The following TSHR variants were observed in gnomAD, a reference collection of about 807,000 sequenced individuals.
TSHR encodes thyrotropin receptor.
A neutral mutation model predicts 64.1 loss-of-function variants in TSHR; 51 were observed. That is an observed-to-expected ratio of 0.80 (90% CI 0.64 to 1.01). The LOEUF (loss-of-function observed/expected upper bound fraction) is 1.01. Among genes scored for constraint, TSHR ranks in the 50% least tolerant of loss-of-function variants. The probability of loss-of-function intolerance (pLI) is 0.00; values close to 1 mark genes in which losing one functional copy is unlikely to be tolerated. For missense variants in TSHR, 877 were observed against 942.8 expected (o/e 0.93, Z 0.91); for synonymous variants, 361 against 361.9 (o/e 1.00, Z 0.03).
intron 8 of TSHR, among the ~76,000 whole-genome samples, chr14:81,131,123 C>A (rs943725207): frequency 5.9e-5 from 9 of 152,162 alleles, no homozygotes; most frequent in African/African-American, 2.2e-4. Context: ...GCCTCACCTG[C>A]AGCCTTCCCC....
In TSHR at chr14:81,131,475, C is replaced by T. The variant is rs533602129; in HGVS notation, c.693-8204C>T. Among the ~76,000 whole-genome samples, 8 of 152,276 alleles carry T rather than the reference C, an allele frequency of 5.3e-5. No homozygotes were observed. In the East Asian group the frequency reaches 1.2e-3, roughly 22 times the overall value. ...CTTCCATGAAAATGTAATGTTCTTTCGACAGCCTACAAGGCCACACATGAT... is the reference window on the plus strand; with the variant it reads ...CTTCCATGAAAATGTAATGTTCTTTTGACAGCCTACAAGGCCACACATGAT... On this transcript the variant is annotated intron_variant, in intron 8 of 9. Coordinates refer to ENST00000298171, the MANE Select transcript of TSHR (RefSeq NM_000369.5).
chr14:81,020,487 C>G (rs1883690715), intron 1 of TSHR, among the ~76,000 whole-genome samples: 1 of 152,174 alleles, frequency 6.6e-6, no homozygotes. Context: ...CTATTGTGAA[C>G]TGCACATGCG....
intron 1 of TSHR, among the ~76,000 whole-genome samples, chr14:81,054,328 T>C (rs1211704754): frequency 2.0e-5 from 3 of 152,182 alleles, no homozygotes; most frequent in South Asian, 2.1e-4. Context: ...AACCTCTTTT[T>C]CTTCCCAGTC....
At chr14:81,010,814 G>A (rs1235588747) in intron 1 of TSHR, among the ~76,000 whole-genome samples, 1 of 150,772 alleles carries the variant, frequency 6.6e-6, no homozygotes, top group African/African-American at 2.4e-5. Context: ...GCCAAAAGAT[G>A]TACATGTAAG....
intron 1 of TSHR, among the ~76,000 whole-genome samples, chr14:80,989,957 G>A (rs1181256310): frequency 6.6e-6 from 1 of 152,170 alleles, no homozygotes; most frequent in Non-Finnish European, 1.5e-5. Flanking sequence ...CTATGCAATT[G>A]TTTTAGCTTC....
intron 1 of TSHR, among the ~76,000 whole-genome samples, chr14:80,984,599 CT>C (rs1888343598): frequency 2.0e-5 from 3 of 152,166 alleles, no homozygotes; most frequent in South Asian, 2.1e-4. Flanking sequence ...TACAGTTCCC[CT>C]GAAGGACATT....
chr14:81,039,740 T>C (rs1240097021), intron 1 of TSHR, among the ~76,000 whole-genome samples: 4 of 151,836 alleles, frequency 2.6e-5, no homozygotes, highest in Non-Finnish European at 5.9e-5. Context: ...AAAAAAAAGA[T>C]ACTTAGCAAT....
At chr14:81,032,961 G>A in intron 1 of TSHR, 2 of 356,300 alleles carry the variant, frequency 5.6e-6, no homozygotes, top group East Asian at 7.5e-5. Flanking sequence ...GATCCCTAGA[G>A]CCAAAAACAA....
intron 2 of TSHR, 110 bp downstream of exon 2, chr14:81,062,329 T>C: frequency 2.6e-6 from 2 of 757,880 alleles, no homozygotes; most frequent in East Asian, 5.3e-5. Flanking sequence ...CAATGGCAGT[T>C]ATATTGTCAA....
intron 1 of TSHR, among the ~76,000 whole-genome samples, chr14:81,026,693 G>A (rs1884072836): frequency 6.6e-6 from 1 of 151,962 alleles, no homozygotes; most frequent in Admixed American, 6.6e-5. Flanking sequence ...AAAGGTATTT[G>A]GTAGATCTTG....
Position 81,142,961 on chromosome 14 carries a change from T to C in TSHR, c.903T>C (p.Cys301=). 1 of 1,614,158 alleles carries C rather than the reference T, an allele frequency of 6.2e-7. No homozygotes were observed. The highest frequency in any genetic ancestry group is 8.5e-7 in the Non-Finnish European group (1 of 1,180,030). Residue 301 remains cysteine (C), a synonymous_variant, in exon 10 of 10, where the codon TGT becomes TGC. Coordinates refer to ENST00000298171, the MANE Select transcript of TSHR (RefSeq NM_000369.5). ...GCAGAATCCTTGAGTCCTTGATGTG[T>C]AATGAGAGCAGTATGCAGAGCTTGC... ...KIRGILESLM[C]NESSMQSLRQ...
chr14:81,036,823 T>C (rs1340838492), intron 1 of TSHR, among the ~76,000 whole-genome samples: 2 of 152,110 alleles, frequency 1.3e-5, no homozygotes, highest in African/African-American at 2.4e-5. Context: ...TATGAAAGGA[T>C]ACAAAGTAAG....
chr14:80,960,140 G>C (rs1566737513), intron 1 of TSHR, among the ~76,000 whole-genome samples: 1 of 152,188 alleles, frequency 6.6e-6, no homozygotes, highest in Non-Finnish European at 1.5e-5. Context: ...AGTATCGAAA[G>C]GATGGAAAGA....
chr14:81,142,360 C>T (rs909384685), intron 9 of TSHR, among the ~76,000 whole-genome samples: 2 of 151,080 alleles, frequency 1.3e-5, no homozygotes, highest in Non-Finnish European at 3.0e-5. Context: ...GATTGAGTCA[C>T]TACAGGTGTG....
intron 8 of TSHR, among the ~76,000 whole-genome samples, chr14:81,135,586 GTTC>G (rs1047829634): frequency 6.6e-6 from 1 of 152,034 alleles, no homozygotes; most frequent in African/African-American, 2.4e-5. Flanking sequence ...GGGGTGGGGG[GTTC>G]TTAGCACAAT....
intron 8 of TSHR, among the ~76,000 whole-genome samples, chr14:81,110,075 A>G (rs1204845904): frequency 6.6e-6 from 1 of 152,198 alleles, no homozygotes; most frequent in Non-Finnish European, 1.5e-5. Context: ...AAATATTCAC[A>G]TATTATGCGA....
At chr14:81,009,530 A>T (rs1412449976) in intron 1 of TSHR, among the ~76,000 whole-genome samples, 1 of 152,188 alleles carries the variant, frequency 6.6e-6, no homozygotes, top group Non-Finnish European at 1.5e-5. Flanking sequence ...AGTGTGCTGC[A>T]GTTGATGTGC....
chr14:80,975,890 C>T (rs179261), intron 1 of TSHR, among the ~76,000 whole-genome samples: 117,970 of 151,608 alleles, frequency 0.78, 48,781 homozygotes, highest in East Asian at 0.99. Context: ...GCCAACTGCA[C>T]TCCTTGCAGC....
intron 3 of TSHR, 51 bp downstream of exon 3, chr14:81,068,379 C>CTGA: frequency 6.4e-7 from 1 of 1,569,554 alleles, no homozygotes; most frequent in Non-Finnish European, 8.7e-7. Flanking sequence ...CCACTCTTGA[C>CTGA]TGATAATCTT....
Sources: gnomAD v4.1 joint callset for allele counts (sites outside exome capture counted in the v4.1 genomes callset) on GRCh38, gnomAD v4.1.1 for gene constraint, MANE v1.5 for transcripts, NCBI Gene and HGNC (gene_info 2026-07-23, HGNC 2026-07-21) for gene names.